The following LEPR variants were observed in gnomAD, a reference collection of about 807,000 sequenced individuals.
LEPR encodes the protein OB receptor.
LEPR carries 56 observed loss-of-function variants against 114.7 expected under a neutral mutation model. The observed-to-expected ratio is 0.49, with a 90% confidence interval of 0.39 to 0.61. LEPR has a LOEUF of 0.61. Ranked by LOEUF, LEPR falls within the 20% of genes least tolerant of loss-of-function variation. LEPR has a pLI of 0.00. For synonymous variants in LEPR, 443 were observed against 461.4 expected, an observed-to-expected ratio of 0.96 and a Z score of 0.51; for missense variants, 1,202 against 1,352.9, an observed-to-expected ratio of 0.89 and a Z score of 1.75.
At chr1:65,609,312 G>T (rs1657022501) in intron 12 of LEPR, among the ~76,000 whole-genome samples, 1 of 152,168 alleles carries the variant, frequency 6.6e-6, no homozygotes, top group Non-Finnish European at 1.5e-5. Context: ...AGGAACTGTT[G>T]TTTCTCTAAC....
At chr1:65,627,550 A>G (rs911386081) in intron 19 of LEPR, among the ~76,000 whole-genome samples, 23 of 152,190 alleles carry the variant, frequency 1.5e-4, no homozygotes, top group African/African-American at 5.1e-4. Context: ...TAGTCTGACA[A>G]TTCTTCAAAA....
At chr1:65,472,619 C>CAG (rs1388039186) in intron 2 of LEPR, among the ~76,000 whole-genome samples, 1 of 61,560 alleles carries the variant, frequency 1.6e-5, no homozygotes, top group Non-Finnish European at 5.4e-5. Flanking sequence ...TATATAGACA[C>CAG]ACACACACAC....
chr1:65,596,130 G>C (rs1261888618), intron 6 of LEPR, among the ~76,000 whole-genome samples: 1 of 152,050 alleles, frequency 6.6e-6, no homozygotes, highest in Non-Finnish European at 1.5e-5. Context: ...ATAAGTTTTA[G>C]GATGCTGGGT....
intron 2 of LEPR, among the ~76,000 whole-genome samples, chr1:65,510,400 T>G (rs1648969228): frequency 6.6e-6 from 1 of 152,154 alleles, no homozygotes; most frequent in African/African-American, 2.4e-5. Flanking sequence ...CTGGATCAAT[T>G]GAGCTTTAGC....
At chr1:65,435,689 G>A in intron 2 of LEPR, 1 of 985,414 alleles carries the variant, frequency 1.0e-6, no homozygotes, top group South Asian at 4.7e-5. Flanking sequence ...TGCAAAGTTT[G>A]CGAAATCAGA....
At chr1:65,484,089 T>C (rs1647352666) in intron 2 of LEPR, among the ~76,000 whole-genome samples, 1 of 152,034 alleles carries the variant, frequency 6.6e-6, no homozygotes, top group Admixed American at 6.6e-5. Flanking sequence ...ACCCCTAGCT[T>C]CAAGAGATCC....
At chr1:65,475,439 A>AG (rs1044461949) in intron 2 of LEPR, among the ~76,000 whole-genome samples, 3 of 151,582 alleles carry the variant, frequency 2.0e-5, no homozygotes, top group Middle Eastern at 3.4e-3. Context: ...TGTTGAGCAG[A>AG]GCCAACACAA....
At chr1:65,601,252 C>A in intron 8 of LEPR, 140 bp from the exon 9 acceptor site, 1 of 1,024,886 alleles carries the variant, frequency 9.8e-7, no homozygotes, top group Non-Finnish European at 1.4e-6. Flanking sequence ...GTAATTTCAG[C>A]ATTATCCAGT....
At chr1:65,571,712 A>G (rs916471721) in intron 4 of LEPR, among the ~76,000 whole-genome samples, 33 of 141,680 alleles carry the variant, frequency 2.3e-4, no homozygotes, top group African/African-American at 7.7e-4. Context: ...CCTAGCATTT[A>G]GGAGGCCTAG....
intron 14 of LEPR, 96 bp from the exon 15 acceptor site, chr1:65,615,912 C>T: frequency 1.3e-6 from 2 of 1,529,538 alleles, no homozygotes; most frequent in Non-Finnish European, 1.8e-6. Flanking sequence ...TGGCCCCTGC[C>T]TCCTAATAAG....
chr1:65,618,102 A>C lies in LEPR; in HGVS notation c.2351A>C (p.Lys784Thr). The C allele has an allele frequency of 1.9e-6, 3 of 1,610,872 alleles. No homozygotes were observed. Among genetic ancestry groups the C allele is most frequent in the Non-Finnish European group, 2.5e-6 (3 of 1,178,612 alleles). Residue 784 changes from lysine to threonine, a missense_variant, in exon 16 of 20, where the codon AAA becomes ACA. By Grantham distance (78) the Lys-to-Thr change is moderately conservative. Coordinates refer to ENST00000349533, the MANE Select transcript of LEPR (RefSeq NM_002303.6). ...WKNLNEDGEI[K>T]WLRISSSVKK... ...AATCTTAATGAAGATGGTGAAATAA[A>C]ATGGCTTAGAATCTCTTCATCTGTT...
chr1:65,430,436 A>G (rs1408810825), intron 2 of LEPR: 1 of 156,550 alleles, frequency 6.4e-6, no homozygotes, highest in Non-Finnish European at 1.4e-5. Flanking sequence ...CTCAACTCTC[A>G]ACTCAGTATA....
chr1:65,611,421 A>AT (rs1449578790), intron 14 of LEPR, among the ~76,000 whole-genome samples: 10 of 151,996 alleles, frequency 6.6e-5, no homozygotes, highest in African/African-American at 2.2e-4. Context: ...CCGACAGATT[A>AT]TTTTTCTCAT....
intron 2 of LEPR, among the ~76,000 whole-genome samples, chr1:65,461,814 TG>T (rs994360707): frequency 4.4e-4 from 67 of 152,238 alleles, no homozygotes; most frequent in African/African-American, 1.6e-3. Context: ...TCAGCATCAA[TG>T]GTATATATTT....
chr1:65,574,824 C>T (rs1654463318), intron 5 of LEPR, among the ~76,000 whole-genome samples: 1 of 152,052 alleles, frequency 6.6e-6, no homozygotes, highest in African/African-American at 2.4e-5. Context: ...TCAGATATAG[C>T]AGGAAGATAT....
At chr1:65,624,556 A>AT (rs746720188) in intron 19 of LEPR, among the ~76,000 whole-genome samples, 45 of 152,170 alleles carry the variant, frequency 3.0e-4, no homozygotes, top group Admixed American at 4.6e-4. Flanking sequence ...CAGTTTTGGC[A>AT]TTTTTAATGT....
chr1:65,529,476 G>A (rs891866477), intron 2 of LEPR, among the ~76,000 whole-genome samples: 3 of 138,012 alleles, frequency 2.2e-5, no homozygotes, highest in African/African-American at 8.1e-5. Flanking sequence ...AGCCAAGATC[G>A]CACCACTGCA....
intron 2 of LEPR, chr1:65,432,808 T>C: frequency 1.8e-6 from 1 of 540,576 alleles, no homozygotes; most frequent in Non-Finnish European, 2.4e-6. Flanking sequence ...AGAGTAAATT[T>C]CTAATGTTCT....
At chr1:65,492,468 T>C (rs1647924160) in intron 2 of LEPR, among the ~76,000 whole-genome samples, 1 of 152,122 alleles carries the variant, frequency 6.6e-6, no homozygotes, top group Non-Finnish European at 1.5e-5. Flanking sequence ...ATAATCAAGA[T>C]AAAACCTTAT....
Sources: gnomAD v4.1 joint callset for allele counts (sites outside exome capture counted in the v4.1 genomes callset) on GRCh38, gnomAD v4.1.1 for gene constraint, MANE v1.5 for transcripts, NCBI Gene and HGNC (gene_info 2026-07-23, HGNC 2026-07-21) for gene names.